Variants in ZBTB20 observed in about 807,000 individuals in gnomAD.
ZBTB20 encodes zinc finger and BTB domain containing 20.
A neutral mutation model predicts 56.9 loss-of-function variants in ZBTB20; 9 were observed. The ratio of observed to expected loss-of-function variants is 0.16; its 90% CI spans 0.10 to 0.28. ZBTB20 has a LOEUF of 0.28. ZBTB20 is among the 10% of genes least tolerant of loss of function. The probability of loss-of-function intolerance (pLI) is 1.00; values close to 1 mark genes in which losing one functional copy is unlikely to be tolerated. For synonymous variants in ZBTB20, 417 were observed against 420.7 expected, an observed-to-expected ratio of 0.99 and a Z score of 0.11; for missense variants, 655 against 1,003.0, an observed-to-expected ratio of 0.65 and a Z score of 4.69.
At position 114,329,725 on chromosome 3, in the gene ZBTB20, A is replaced by AC. The variant is rs1560071565; in HGVS notation, c.*9279_*9280insG. 2.0e-5 allele frequency: 3 copies of AC among 148,142 alleles called. No homozygotes were observed. The highest frequency in any genetic ancestry group is 4.9e-5 in the African/African-American group (2 of 40,548). The allele number at this position is 148,142 out of a possible 1,614,324, so 9.2% of individuals were successfully genotyped here. A position where few individuals can be genotyped will look rare whatever the true frequency, so the allele number is the denominator to read the frequency against. On this transcript the variant is annotated 3_prime_UTR_variant, in exon 12 of 12. Coordinates refer to ENST00000675478, the MANE Select transcript of ZBTB20 (RefSeq NM_001348800.3). ...CTTTTTTTGGAAAAAAAAAAAAAAA[A>AC]AAAAAAAAAAAACAACTCCCAGGAA...
In ZBTB20 at chr3:114,339,457, A is replaced by T; in HGVS notation, c.1805-31T>A. On this transcript the variant is annotated intron_variant, in intron 11 of 11. Coordinates refer to ENST00000675478, the MANE Select transcript of ZBTB20 (RefSeq NM_001348800.3). This position sits in a 1 kb window ranked among gnomAD's most constrained non-coding sequence, Gnocchi z 4.2. ...GATGTAGGAAGAGACAGCAAGCAGGACAGAGCGAGACATAGCAAGGGATAG... is the reference window on the plus strand; with the variant it reads ...GATGTAGGAAGAGACAGCAAGCAGGTCAGAGCGAGACATAGCAAGGGATAG... 6.3e-7 allele frequency: 1 copy of T among 1,591,054 alleles called. No individual in the cohort carries two copies. The highest frequency in any genetic ancestry group is 8.6e-7 in the Non-Finnish European group (1 of 1,164,046).
At chr3:114,919,568 G>A (rs60416262) in intron 3 of ZBTB20, among the ~76,000 whole-genome samples, 24,651 of 151,816 alleles carry the variant, frequency 0.16, 2,532 homozygotes, top group African/African-American at 0.27. Flanking sequence ...AGCCGGGTGC[G>A]GTGGCAGGTA....
chr3:114,886,162 G>A (rs1261739494), intron 4 of ZBTB20, among the ~76,000 whole-genome samples: 1 of 152,176 alleles, frequency 6.6e-6, no homozygotes, highest in Non-Finnish European at 1.5e-5. Flanking sequence ...AATCAACTTG[G>A]GAGAAATAGA....
At chr3:114,759,536 A>T (rs1015431394) in intron 5 of ZBTB20, among the ~76,000 whole-genome samples, 1 of 152,140 alleles carries the variant, frequency 6.6e-6, no homozygotes, top group Non-Finnish European at 1.5e-5. Context: ...TAGCCTCTGG[A>T]TTGCAAAAGT....
At chr3:114,875,740 A>G (rs1190194857) in intron 4 of ZBTB20, among the ~76,000 whole-genome samples, 2 of 152,046 alleles carry the variant, frequency 1.3e-5, no homozygotes, top group African/African-American at 4.8e-5. Context: ...ACTTTTTGGA[A>G]CCTCAGTTCC....
intron 1 of ZBTB20, among the ~76,000 whole-genome samples, chr3:115,121,362 A>G (rs2108646685): frequency 6.6e-6 from 1 of 152,156 alleles, no homozygotes; most frequent in East Asian, 1.9e-4. Context: ...TATTGCCACT[A>G]ACATCCTTTT....
At chr3:114,585,124 G>T (rs1047740017) in intron 6 of ZBTB20, among the ~76,000 whole-genome samples, 5 of 152,038 alleles carry the variant, frequency 3.3e-5, no homozygotes, top group Non-Finnish European at 4.4e-5. Context: ...GGGTCCCTGA[G>T]GGGAGGAAGT....
intron 8 of ZBTB20, chr3:114,387,442 C>T (rs1361964992): frequency 6.6e-6 from 1 of 152,136 alleles, no homozygotes; most frequent in Non-Finnish European, 1.5e-5. Flanking sequence ...GAAGTAAAAG[C>T]AGGCACTGGC....
chr3:114,979,414 T>C (rs949180115), intron 2 of ZBTB20, among the ~76,000 whole-genome samples: 2 of 152,014 alleles, frequency 1.3e-5, no homozygotes, highest in African/African-American at 4.8e-5. Context: ...AATCATGCTG[T>C]TCATTCCCAT....
At position 114,853,589 on chromosome 3, in the gene ZBTB20, T is replaced by A. The variant is rs191428190; in HGVS notation, c.-417+46715A>T. 1.4e-4 allele frequency among the ~76,000 whole-genome samples: 22 copies of A among 152,376 alleles called. No homozygotes were observed. In the East Asian group the frequency reaches 3.7e-3, roughly 25 times the overall value. On this transcript the variant is annotated intron_variant, in intron 4 of 11. Coordinates refer to ENST00000675478, the MANE Select transcript of ZBTB20 (RefSeq NM_001348800.3). ...CCTTGTCCTTAAACCCCTGGACTAATCCCTTGTAAGGTGTCCTGTTGTAAG... is the reference window on the plus strand; with the variant it reads ...CCTTGTCCTTAAACCCCTGGACTAAACCCTTGTAAGGTGTCCTGTTGTAAG...
chr3:114,924,733 A>G (rs963373842), intron 3 of ZBTB20, among the ~76,000 whole-genome samples: 7 of 152,172 alleles, frequency 4.6e-5, no homozygotes, highest in Non-Finnish European at 1.0e-4. Context: ...TTCACTATAT[A>G]CAATCTTTGT....
chr3:114,409,073 TG>T (rs1485566868), intron 7 of ZBTB20, among the ~76,000 whole-genome samples: 1 of 150,984 alleles, frequency 6.6e-6, no homozygotes, highest in East Asian at 1.9e-4. Flanking sequence ...CAGAAAAGGT[TG>T]AACGTACTCT....
intron 6 of ZBTB20, among the ~76,000 whole-genome samples, chr3:114,517,139 AATCT>A (rs541135140): frequency 2.7e-3 from 418 of 152,352 alleles, no homozygotes; most frequent in Non-Finnish European, 4.3e-3. Flanking sequence ...ATAAGTAATC[AATCT>A]ATCAATCAAT....
intron 2 of ZBTB20, among the ~76,000 whole-genome samples, chr3:114,991,385 G>C (rs181363079): frequency 6.6e-6 from 1 of 152,130 alleles, no homozygotes; most frequent in Admixed American, 6.6e-5. Context: ...CTCAGGAGCA[G>C]GTTATTCAGT....
chr3:115,024,482 C>T (rs1239759246), intron 2 of ZBTB20, among the ~76,000 whole-genome samples: 1 of 151,100 alleles, frequency 6.6e-6, no homozygotes, highest in Non-Finnish European at 1.5e-5. Flanking sequence ...ACCTTTTTAT[C>T]CTCCTCATTA....
intron 2 of ZBTB20, among the ~76,000 whole-genome samples, chr3:115,003,019 C>T (rs752118270): frequency 6.6e-6 from 1 of 151,530 alleles, no homozygotes; most frequent in African/African-American, 2.4e-5. Flanking sequence ...ACAGGGAAAC[C>T]TTAAGTGCAT....
chr3:114,643,824 T>C lies in ZBTB20; in HGVS notation c.-295+49704A>G, dbSNP rs561112992. On this transcript the variant is annotated intron_variant, in intron 6 of 11. Coordinates refer to ENST00000675478, the MANE Select transcript of ZBTB20 (RefSeq NM_001348800.3). Reference sequence around the variant, plus strand: ...AAATAGAAGAGTATTTTAGAACAAATGAGAATTCTAACTCTTTAACTGAAT... The same window carrying C: ...AAATAGAAGAGTATTTTAGAACAAACGAGAATTCTAACTCTTTAACTGAAT... 1.4e-4 allele frequency among the ~76,000 whole-genome samples: 21 copies of C among 152,036 alleles called. No individual in the cohort carries two copies. The South Asian group carries it at 3.9e-3, about 29-fold the overall frequency.
At position 114,325,008 on chromosome 3, in the gene ZBTB20, CAA is replaced by C. The variant is rs2079016302; in HGVS notation, c.*13995_*13996del. On this transcript the variant is annotated 3_prime_UTR_variant, in exon 12 of 12. Transcript: ENST00000675478. ...GCACACTCAAATTACCTTAAAATAT[CAA>C]GTTACCATAGATTTTCTCTATCATA... The C allele has an allele frequency of 1.3e-5, 2 of 152,084 alleles. No individual in the cohort carries two copies. Among genetic ancestry groups the C allele is most frequent in the Non-Finnish European group, 2.9e-5 (2 of 68,000 alleles). The allele number at this position is 152,084 out of a possible 1,614,324, so 9.4% of individuals were successfully genotyped here.
chr3:114,749,159 C>A (rs950459152), intron 5 of ZBTB20, among the ~76,000 whole-genome samples: 1 of 152,178 alleles, frequency 6.6e-6, no homozygotes. Flanking sequence ...GTTGCCTATA[C>A]TTATGTACCT....
Sources: allele counts gnomAD v4.1 joint callset (sites outside exome capture counted in the v4.1 genomes callset), GRCh38; gene constraint gnomAD v4.1.1; non-coding constraint Gnocchi (gnomAD v3.1); transcripts MANE v1.5; gene names NCBI Gene and HGNC (gene_info 2026-07-23, HGNC 2026-07-21).